DNAJB13: variants seen among roughly 807,000 people sequenced by gnomAD.
DNAJB13 encodes dnaJ homolog subfamily B member 13.
In DNAJB13, 22 loss-of-function variants were observed where a neutral mutation model predicts 35.6. The observed-to-expected ratio is 0.62, with a 90% CI of 0.44 to 0.88. The LOEUF is 0.88. Among genes scored for constraint, DNAJB13 ranks in the 40% least tolerant of loss-of-function variants. DNAJB13 has a pLI of 0.00. For missense variants in DNAJB13, 370 were observed against 384.3 expected, an observed-to-expected ratio of 0.96 and a Z score of 0.31; for synonymous variants, 136 against 144.2, an observed-to-expected ratio of 0.94 and a Z score of 0.41.
At chr11:73,959,689 G>C in intron 3 of DNAJB13, 34 bp downstream of exon 3, 1 of 1,598,868 alleles carries the variant, frequency 6.3e-7, no homozygotes, top group Non-Finnish European at 8.5e-7. Context: ...TTGCCTTATA[G>C]AGAAAGGACA....
chr11:73,962,480 G>GGTAGGCGGATGGATGGCTGA (rs1950961401), intron 3 of DNAJB13, among the ~76,000 whole-genome samples: 1 of 150,598 alleles, frequency 6.6e-6, no homozygotes. Flanking sequence ...TGGATGGCTG[G>GGTAGGCGGATGGATGGCTGA]GTAGGCGGAA....
chr11:73,967,926 C>T (rs1468365960), intron 5 of DNAJB13: 7 of 272,000 alleles, frequency 2.6e-5, no homozygotes, highest in Middle Eastern at 1.1e-3. Context: ...CAGTCTGATT[C>T]CTCTGTCCCC....
At chr11:73,964,823 G>GCGCGCGC in intron 3 of DNAJB13, 55 bp from the exon 4 acceptor site, 1 of 1,474,052 alleles carries the variant, frequency 6.8e-7, no homozygotes, top group Non-Finnish European at 9.3e-7. Flanking sequence ...GCGCGCGCGC[G>GCGCGCGC]CATGTCTGGG....
At chr11:73,962,983 C>T (rs1950975534) in intron 3 of DNAJB13, among the ~76,000 whole-genome samples, 1 of 152,148 alleles carries the variant, frequency 6.6e-6, no homozygotes, top group Non-Finnish European at 1.5e-5. Context: ...CCAAAATAAT[C>T]ATTAAGGCTC....
At chr11:73,961,098 G>T (rs1950919916) in intron 3 of DNAJB13, among the ~76,000 whole-genome samples, 1 of 151,968 alleles carries the variant, frequency 6.6e-6, no homozygotes, top group Non-Finnish European at 1.5e-5. Context: ...GCCAACCTGG[G>T]CAACATAGCC....
chr11:73,966,084 C>A, intron 4 of DNAJB13, 54 bp from the exon 5 acceptor site: 1 of 1,506,780 alleles, frequency 6.6e-7, no homozygotes, highest in Non-Finnish European at 9.1e-7. Context: ...CAAATCTCGA[C>A]TGTACTCATG....
intron 4 of DNAJB13, 191 bp from the exon 5 acceptor site, chr11:73,965,947 G>C: frequency 1.7e-6 from 1 of 579,840 alleles, no homozygotes; most frequent in Non-Finnish European, 3.1e-6. Context: ...GAGTGGGAGT[G>C]GCTCAGGGCA....
At chr11:73,966,094 G>T in intron 4 of DNAJB13, 44 bp from the exon 5 acceptor site, 1 of 1,560,722 alleles carries the variant, frequency 6.4e-7, no homozygotes, top group East Asian at 2.3e-5. Context: ...CTGTACTCAT[G>T]GAAGTCCTAA....
chr11:73,953,428 G>A (rs35465898), intron 1 of DNAJB13, among the ~76,000 whole-genome samples: 12,015 of 152,182 alleles, frequency 0.079, 590 homozygotes, highest in African/African-American at 0.13. Context: ...CTTAAAATCC[G>A]AGCTCCCCGA....
chr11:73,961,265 T>C (rs1490044664), intron 3 of DNAJB13, among the ~76,000 whole-genome samples: 1 of 152,016 alleles, frequency 6.6e-6, no homozygotes, highest in Non-Finnish European at 1.5e-5. Flanking sequence ...GGGTGACAGA[T>C]TGAGACCTTG....
Position 73,958,438 on chromosome 11 carries a change from T to C in DNAJB13, c.172+18T>C. On this transcript the variant is annotated intron_variant, in intron 2 of 7. Coordinates refer to ENST00000339764, the MANE Select transcript of DNAJB13 (RefSeq NM_153614.4). The stretch of plus-strand genomic sequence containing the variant: ...GAGTGACCGTGAGTAGGTGTGGGGC[T>C]GAGCACCCCGCTTGATTAGGATCAT... 4 of 1,607,190 alleles carry C rather than the reference T, an allele frequency of 2.5e-6. No homozygotes were observed. Among genetic ancestry groups the C allele is most frequent in the Non-Finnish European group, 2.6e-6 (3 of 1,173,924 alleles).
chr11:73,969,947 T>C lies in DNAJB13; in HGVS notation c.798-14T>C. On this transcript the variant is annotated splice_polypyrimidine_tract_variant and intron_variant, in intron 7 of 7. Coordinates refer to ENST00000339764, the MANE Select transcript of DNAJB13 (RefSeq NM_153614.4). ...GGGATGCCCTCTATGCTCCTTTCTT[T>C]CATCCTATTTCAGCCCCAAATACTT... is the stretch of plus-strand genomic sequence containing the variant. 1 of 1,602,416 alleles carries C rather than the reference T, an allele frequency of 6.2e-7. No individual in the cohort carries two copies. The highest frequency in any genetic ancestry group is 8.5e-7 in the Non-Finnish European group (1 of 1,173,722).
Position 73,964,806 on chromosome 11 carries a change from T to A in DNAJB13, c.335-72T>A. On this transcript the variant is annotated intron_variant, in intron 3 of 7. Coordinates refer to ENST00000339764, the MANE Select transcript of DNAJB13 (RefSeq NM_153614.4). ...GTGTGTGTGTGTGTGTGTGTGTGTG[T>A]GTGTGTGCGCGCGCGCGCATGTCTG... 4.4e-5 allele frequency: 32 copies of A among 729,712 alleles called. 1 individual carries two copies. The highest frequency in any genetic ancestry group is 1.1e-4 in the East Asian group (4 of 34,852). The allele number at this position is 729,712 out of a possible 1,614,324, so 45.2% of individuals were successfully genotyped here.
Position 73,964,815 on chromosome 11 carries a change from G to GCGCGCGCCCC in DNAJB13, c.335-56_335-55insCCCCGCGCGC, listed in dbSNP as rs1554992102. ...TGTGTGTGTGTGTGTGTGTGTGTGC[G>GCGCGCGCCCC]CGCGCGCGCATGTCTGGGTCTCTGG... On this transcript the variant is annotated intron_variant, in intron 3 of 7. Transcript: ENST00000339764. 0.015 allele frequency: 14,202 copies of GCGCGCGCCCC among 957,710 alleles called. 216 individuals carry two copies. The highest frequency in any genetic ancestry group is 0.047 in the Admixed American group (1,980 of 41,820). The allele number at this position is 957,710 out of a possible 1,614,324, so 59.3% of individuals were successfully genotyped here. A position where few individuals can be genotyped will look rare whatever the true frequency, so the allele number is the denominator to read the frequency against.
intron 3 of DNAJB13, chr11:73,963,700 T>C (rs1006105515): frequency 5.3e-5 from 8 of 152,230 alleles, no homozygotes; most frequent in African/African-American, 1.9e-4. Context: ...TCAGGCCTCT[T>C]GATTGCCCAT....
chr11:73,954,676 C>T (rs1379329468), intron 1 of DNAJB13, among the ~76,000 whole-genome samples: 1 of 148,334 alleles, frequency 6.7e-6, no homozygotes, highest in Non-Finnish European at 1.5e-5. Flanking sequence ...ATAAATAAGG[C>T]TGGGCACGGT....
chr11:73,970,179 C>T lies in DNAJB13; in HGVS notation c.*65C>T. Reference sequence around the variant, plus strand: ...GGCCTCACCCCACCCCTACCCGCCACAGCCTCAGGGTGTGCAGGGGAGCCT... The same window carrying T: ...GGCCTCACCCCACCCCTACCCGCCATAGCCTCAGGGTGTGCAGGGGAGCCT... On this transcript the variant is annotated 3_prime_UTR_variant, in exon 8 of 8. Transcript: ENST00000339764. 6.5e-7 allele frequency: 1 copy of T among 1,539,232 alleles called. No homozygotes were observed. Among genetic ancestry groups the T allele is most frequent in the Non-Finnish European group, 8.8e-7 (1 of 1,141,288 alleles).
intron 2 of DNAJB13, among the ~76,000 whole-genome samples, chr11:73,958,933 G>A (rs1330192704): frequency 6.6e-6 from 1 of 152,160 alleles, no homozygotes; most frequent in Non-Finnish European, 1.5e-5. Flanking sequence ...TCCCCGCCCC[G>A]GCACCCAGGG....
intron 1 of DNAJB13, among the ~76,000 whole-genome samples, 198 bp downstream of exon 1, chr11:73,951,335 A>G (rs749054325): frequency 2.6e-5 from 4 of 152,086 alleles, no homozygotes; most frequent in East Asian, 1.9e-4. Flanking sequence ...TAGTTCCTCA[A>G]TCTGCTCCCA....
Sources: allele counts gnomAD v4.1 joint callset (sites outside exome capture counted in the v4.1 genomes callset), GRCh38; gene constraint gnomAD v4.1.1; transcripts MANE v1.5; gene names NCBI Gene and HGNC (gene_info 2026-07-23, HGNC 2026-07-21).